Variants in CEACAM6 observed in about 807,000 individuals in gnomAD.
CEACAM6 encodes cell adhesion molecule CEACAM6.
Under a neutral mutation model 32.4 loss-of-function variants are expected in CEACAM6, and 21 were observed. That is an observed-to-expected ratio of 0.65 (90% CI 0.46 to 0.93). CEACAM6 has a LOEUF of 0.93. CEACAM6 is among the 40% of genes least tolerant of loss of function. The pLI is 0.00. For synonymous variants in CEACAM6, 184 were observed against 174.4 expected (o/e 1.06, Z -0.43); for missense variants, 406 against 432.2 (o/e 0.94, Z 0.54).
At position 41,757,922 on chromosome 19, in the gene CEACAM6, A is replaced by C. The variant is rs1341211831; in HGVS notation, c.424+963A>C. The C allele has an allele frequency of 2.6e-5, 4 of 152,344 alleles. No individual in the cohort carries two copies. The East Asian group carries it at 7.7e-4, about 29-fold the overall frequency. The allele number at this position is 152,344 out of a possible 1,614,324, so 9.4% of individuals were successfully genotyped here. ...AAGGGTCACACAGGCCATAGGTGGC[A>C]GATTAGAGACATATGAGGTCTGTCT... is the stretch of plus-strand genomic sequence containing the variant. On this transcript the variant is annotated intron_variant, in intron 2 of 5. Coordinates refer to ENST00000199764, the MANE Select transcript of CEACAM6 (RefSeq NM_002483.7).
At chr19:41,763,349 T>G (rs1435683939) in intron 4 of CEACAM6, among the ~76,000 whole-genome samples, 2 of 152,078 alleles carry the variant, frequency 1.3e-5, no homozygotes, top group African/African-American at 2.4e-5. Flanking sequence ...ATCCCCATCA[T>G]CACCCATCTC....
At chr19:41,762,536 C>T (rs1249611022) in intron 4 of CEACAM6, among the ~76,000 whole-genome samples, 2 of 152,172 alleles carry the variant, frequency 1.3e-5, no homozygotes, top group Admixed American at 1.3e-4. Context: ...GAAGGGTCCT[C>T]AGGGTCAAGT....
At position 41,766,268 on chromosome 19, in the gene CEACAM6, G is replaced by A. The variant is rs781914931; in HGVS notation, c.*9G>A. ...GGGTGGCTCTGATATAGCAGCCCTG[G>A]TGTATTTTCGATATTTCAGGAAGAC... On this transcript the variant is annotated 3_prime_UTR_variant, in exon 5 of 6. Transcript: ENST00000199764. The A allele has an allele frequency of 3.2e-6, 5 of 1,579,732 alleles. No individual in the cohort carries two copies. In the Admixed American group the frequency reaches 9.3e-5, roughly 29 times the overall value.
intron 4 of CEACAM6, among the ~76,000 whole-genome samples, chr19:41,763,114 T>C: frequency 6.6e-6 from 1 of 152,194 alleles, no homozygotes; most frequent in African/African-American, 2.4e-5. Flanking sequence ...GTATCTAATA[T>C]AGGACTTACC....
At chr19:41,755,840 C>A in intron 1 of CEACAM6, 138 bp downstream of exon 1, 1 of 593,674 alleles carries the variant, frequency 1.7e-6, no homozygotes, top group Non-Finnish European at 2.9e-6. Context: ...CAGAGAGGGA[C>A]AGGGGTCACA....
intron 5 of CEACAM6, among the ~76,000 whole-genome samples, chr19:41,768,306 C>A (rs577988687): frequency 6.6e-6 from 1 of 150,590 alleles, no homozygotes; most frequent in Admixed American, 6.6e-5. Context: ...TGACTCTTAA[C>A]GAGCATGCTG....
intron 2 of CEACAM6, among the ~76,000 whole-genome samples, chr19:41,757,484 G>T (rs2072896157): frequency 6.6e-6 from 1 of 152,156 alleles, no homozygotes; most frequent in African/African-American, 2.4e-5. Context: ...GACTCCTGGA[G>T]TTGGTCACCA....
At chr19:41,768,945 T>C (rs1230350817) in intron 5 of CEACAM6, among the ~76,000 whole-genome samples, 1 of 152,144 alleles carries the variant, frequency 6.6e-6, no homozygotes, top group Non-Finnish European at 1.5e-5. Context: ...GGGGTTGTTT[T>C]TTGTTTTTGT....
At chr19:41,764,273 T>C (rs2072944125) in intron 4 of CEACAM6, among the ~76,000 whole-genome samples, 1 of 152,136 alleles carries the variant, frequency 6.6e-6, no homozygotes, top group Non-Finnish European at 1.5e-5. Flanking sequence ...TTCTGTAGAA[T>C]TGGTAGCAAT....
chr19:41,762,252 A>G (rs2072930803), intron 4 of CEACAM6, 29 bp downstream of exon 4: 1 of 1,600,960 alleles, frequency 6.2e-7, no homozygotes, highest in Non-Finnish European at 8.5e-7. Context: ...CACTAGCATC[A>G]CATTTTCAGG....
intron 5 of CEACAM6, among the ~76,000 whole-genome samples, chr19:41,770,470 A>C (rs1555822890): frequency 6.6e-6 from 1 of 151,870 alleles, no homozygotes; most frequent in Non-Finnish European, 1.5e-5. Flanking sequence ...ACATAGGCCT[A>C]TACTCCTATT....
At position 41,763,809 on chromosome 19, in the gene CEACAM6, C is replaced by T. The variant is rs2072941821; in HGVS notation, c.958+1586C>T. Among the ~76,000 whole-genome samples, 4 of 152,182 alleles carry T rather than the reference C, an allele frequency of 2.6e-5. No individual in the cohort carries two copies. In the South Asian group the frequency reaches 6.2e-4, roughly 24 times the overall value. On this transcript the variant is annotated intron_variant, in intron 4 of 5. Coordinates refer to ENST00000199764, the MANE Select transcript of CEACAM6 (RefSeq NM_002483.7). The stretch of plus-strand genomic sequence containing the variant: ...TGCACAGCGGAGCTGCCCAAGCCCT[C>T]GGTCACCAGCAACAACTCCAACCCT...
At chr19:41,768,317 C>A (rs1469184481) in intron 5 of CEACAM6, among the ~76,000 whole-genome samples, 1 of 152,126 alleles carries the variant, frequency 6.6e-6, no homozygotes, top group Admixed American at 6.5e-5. Context: ...GAGCATGCTG[C>A]CTTCAAGGAT....
intron 2 of CEACAM6, among the ~76,000 whole-genome samples, chr19:41,759,844 G>C (rs1481422422): frequency 6.6e-6 from 1 of 152,092 alleles, no homozygotes; most frequent in African/African-American, 2.4e-5. Context: ...CAACACTACA[G>C]GTCAAGCATC....
At chr19:41,768,931 T>TG (rs1156499950) in intron 5 of CEACAM6, among the ~76,000 whole-genome samples, 5 of 152,032 alleles carry the variant, frequency 3.3e-5, no homozygotes, top group Admixed American at 6.6e-5. Context: ...TTTTGTTTGG[T>TG]GGGGGGGTTG....
Position 41,755,658 on chromosome 19 carries a change from C to T in CEACAM6, c.20C>T (p.Pro7Leu). The T allele has an allele frequency of 6.2e-7, 1 of 1,609,036 alleles. No individual in the cohort carries two copies. MGPPSA[P>L]PCRLHVPWKE... ...GAGACCATGGGACCCCCCTCAGCCC[C>T]TCCCTGCAGATTGCATGTCCCCTGG... Residue 7 changes from proline (P) to leucine (L), a missense_variant, in exon 1 of 6, where the codon CCT (proline) becomes CTT (leucine). By Grantham distance (98) the Pro-to-Leu change is moderately conservative. Coordinates refer to ENST00000199764, the MANE Select transcript of CEACAM6 (RefSeq NM_002483.7).
chr19:41,761,957 T>A lies in CEACAM6; in HGVS notation c.704-12T>A, dbSNP rs545931861. 15 of 1,613,630 alleles carry A rather than the reference T, an allele frequency of 9.3e-6. No individual in the cohort carries two copies. In the South Asian group the frequency reaches 1.2e-4, roughly 13 times the overall value. On this transcript the variant is annotated splice_polypyrimidine_tract_variant and intron_variant, in intron 3 of 5. Transcript: ENST00000199764. ...GACAACATCACCTGTGGCTTTATTC[T>A]GTTTCCTCCAGATGGCCCAGATGTC...
At position 41,768,213 on chromosome 19, in the gene CEACAM6, G is replaced by A. The variant is rs569691296; in HGVS notation, c.*40+1914G>A. On this transcript the variant is annotated intron_variant, in intron 5 of 5. Coordinates refer to ENST00000199764, the MANE Select transcript of CEACAM6 (RefSeq NM_002483.7). ...GTGAACAAAGAAACAAGTGAACAAA[G>A]GTCTCTGGTTTTCCTAGGCAGAGGA... 4.5e-3 allele frequency among the ~76,000 whole-genome samples: 685 copies of A among 152,280 alleles called. 7 individuals are homozygous for A. The highest frequency in any genetic ancestry group is 0.015 in the African/African-American group (634 of 41,544).
In CEACAM6 at chr19:41,762,330, C is replaced by T. The variant is rs192528624; in HGVS notation, c.958+107C>T. The T allele has an allele frequency of 9.9e-3, 12,788 of 1,296,136 alleles. 94 individuals are homozygous for T. The highest frequency in any genetic ancestry group is 0.011 in the Non-Finnish European group (10,611 of 933,432). 80.3% of individuals were successfully genotyped at this position (1,296,136 alleles called of 1,614,324 possible). The stretch of plus-strand genomic sequence containing the variant: ...TCCCAACCTGTGTCCAAGGGGCACA[C>T]GCAAATCCCAAATTCTCCCCTGAAC... On this transcript the variant is annotated intron_variant, in intron 4 of 5. Coordinates refer to ENST00000199764, the MANE Select transcript of CEACAM6 (RefSeq NM_002483.7).
Sources: allele counts gnomAD v4.1 joint callset (sites outside exome capture counted in the v4.1 genomes callset), GRCh38; gene constraint gnomAD v4.1.1; transcripts MANE v1.5; gene names NCBI Gene and HGNC (gene_info 2026-07-23, HGNC 2026-07-21).